The following PYROXD1 variants were observed in gnomAD, a reference collection of about 807,000 sequenced individuals.
PYROXD1 encodes tRNA ligase complex-associated NAD(P)H dehydrogenase PYROXD1.
In PYROXD1, 42 loss-of-function variants were observed where a neutral mutation model predicts 62.0. That is an observed-to-expected ratio of 0.68 (90% CI 0.53 to 0.88). The LOEUF (loss-of-function observed/expected upper bound fraction) is 0.88, where lower values mean the gene tolerates loss of function less well. Among genes scored for constraint, PYROXD1 ranks in the 40% least tolerant of loss-of-function variants. The pLI, the probability that PYROXD1 is intolerant of heterozygous loss-of-function variation, is 0.00. For missense variants in PYROXD1, 493 were observed against 604.8 expected, an observed-to-expected ratio of 0.82 and a Z score of 1.94; for synonymous variants, 170 against 206.4, an observed-to-expected ratio of 0.82 and a Z score of 1.51.
chr12:21,464,107 A>G (rs1047099946), intron 10 of PYROXD1, among the ~76,000 whole-genome samples: 4 of 150,822 alleles, frequency 2.7e-5, no homozygotes, highest in Non-Finnish European at 4.4e-5. Flanking sequence ...TGGCAAGACT[A>G]TCACAAATTC....
chr12:21,463,357 A>G (rs960982927), intron 10 of PYROXD1, among the ~76,000 whole-genome samples: 1 of 152,288 alleles, frequency 6.6e-6, no homozygotes, highest in East Asian at 1.9e-4. Flanking sequence ...AAAGCATTCT[A>G]TTCCTTTATG....
chr12:21,468,017 G>T (rs1214463519), intron 11 of PYROXD1, among the ~76,000 whole-genome samples: 8 of 145,146 alleles, frequency 5.5e-5, no homozygotes, highest in Non-Finnish European at 7.5e-5. Flanking sequence ...GTTGTTTTGG[G>T]TTTTTTTTTT....
chr12:21,459,628 A>G (rs1372842206), intron 7 of PYROXD1, among the ~76,000 whole-genome samples: 2 of 152,182 alleles, frequency 1.3e-5, no homozygotes, highest in African/African-American at 4.8e-5. Context: ...TGTGAGATTG[A>G]TCCCTCAACA....
At chr12:21,457,117 A>T (rs569804111) in intron 7 of PYROXD1, 33 of 280,028 alleles carry the variant, frequency 1.2e-4, no homozygotes, top group African/African-American at 7.3e-4. Flanking sequence ...AGCTTTTGTT[A>T]ATGTTGATAT....
At chr12:21,438,096 A>G in intron 1 of PYROXD1, 1 of 418,794 alleles carries the variant, frequency 2.4e-6, no homozygotes, top group South Asian at 5.1e-5. Flanking sequence ...AGCAGACATG[A>G]GGACTTTGTA....
chr12:21,451,941 C>G, intron 4 of PYROXD1, 140 bp from the exon 5 acceptor site: 2 of 604,702 alleles, frequency 3.3e-6, no homozygotes, highest in Non-Finnish European at 5.7e-6. Flanking sequence ...TACCCTGATA[C>G]AGTGGGAAAG....
chr12:21,444,362 A>G (rs1942348296), intron 2 of PYROXD1, among the ~76,000 whole-genome samples: 1 of 152,234 alleles, frequency 6.6e-6, no homozygotes. Context: ...TAAGGAGATT[A>G]AAAGTATAGA....
chr12:21,445,332 C>T lies in PYROXD1; in HGVS notation c.166-15C>T. 1 of 1,551,948 alleles carries T rather than the reference C, an allele frequency of 6.4e-7. No individual in the cohort carries two copies. The highest frequency in any genetic ancestry group is 1.2e-5 in the South Asian group (1 of 80,214). ...CTTTAAAAATATACATTTTTAATCT[C>T]TTGGATCTATACAGATTTCTAAAAT... On this transcript the variant is annotated splice_polypyrimidine_tract_variant and intron_variant, in intron 2 of 11. Coordinates refer to ENST00000240651, the MANE Select transcript of PYROXD1 (RefSeq NM_024854.5).
intron 3 of PYROXD1, among the ~76,000 whole-genome samples, chr12:21,446,094 G>C (rs1330509897): frequency 1.3e-5 from 2 of 152,214 alleles, no homozygotes; most frequent in Admixed American, 1.3e-4. Flanking sequence ...AGATAAGTAA[G>C]TGAGAACCTG....
chr12:21,456,321 G>A (rs1293091254), intron 7 of PYROXD1, among the ~76,000 whole-genome samples: 1 of 152,078 alleles, frequency 6.6e-6, no homozygotes, highest in Admixed American at 6.6e-5. Flanking sequence ...TTTAACTCTT[G>A]AGGTGTGATA....
chr12:21,454,979 G>C, intron 5 of PYROXD1, 153 bp from the exon 6 acceptor site: 1 of 415,372 alleles, frequency 2.4e-6, no homozygotes, highest in Non-Finnish European at 4.3e-6. Flanking sequence ...CATCTGTAAA[G>C]AACGTTAATA....
chr12:21,443,348 A>AG (rs930078855), intron 2 of PYROXD1, among the ~76,000 whole-genome samples: 17 of 152,128 alleles, frequency 1.1e-4, no homozygotes, highest in African/African-American at 4.1e-4. Context: ...CAATATGGGT[A>AG]GGGGTGTGTG....
intron 7 of PYROXD1, among the ~76,000 whole-genome samples, chr12:21,460,274 A>G (rs951144942): frequency 1.3e-5 from 2 of 152,246 alleles, no homozygotes; most frequent in African/African-American, 2.4e-5. Context: ...GTTTAATTCA[A>G]TAAGCATTTA....
At chr12:21,454,284 T>A (rs1942555522) in intron 5 of PYROXD1, among the ~76,000 whole-genome samples, 1 of 152,014 alleles carries the variant, frequency 6.6e-6, no homozygotes, top group Admixed American at 6.6e-5. Context: ...ATTTTATTAG[T>A]ATCGCAAGTT....
chr12:21,461,197 A>G (rs1942692643), intron 8 of PYROXD1, 43 bp downstream of exon 8: 2 of 1,206,228 alleles, frequency 1.7e-6, no homozygotes, highest in Non-Finnish European at 1.1e-6. Context: ...CCACTTAATT[A>G]AAAGGAAAAC....
At chr12:21,466,687 T>G (rs1310893221) in intron 10 of PYROXD1, among the ~76,000 whole-genome samples, 1 of 152,178 alleles carries the variant, frequency 6.6e-6, no homozygotes. Flanking sequence ...TGGCCAGAAC[T>G]TCCAACACTA....
chr12:21,443,766 T>A (rs1447523099), intron 2 of PYROXD1, among the ~76,000 whole-genome samples: 2 of 152,196 alleles, frequency 1.3e-5, no homozygotes, highest in Non-Finnish European at 2.9e-5. Context: ...GGAATATAAT[T>A]TTCTCATGTT....
intron 7 of PYROXD1, 85 bp from the exon 8 acceptor site, chr12:21,460,940 C>T: frequency 1.2e-6 from 1 of 830,250 alleles, no homozygotes; most frequent in Admixed American, 3.0e-5. Context: ...TACATTTCTA[C>T]AAGTATACGT....
At chr12:21,449,540 T>A in intron 3 of PYROXD1, 23 bp from the exon 4 acceptor site, 1 of 1,593,300 alleles carries the variant, frequency 6.3e-7, no homozygotes. Context: ...TCCCTTTTCT[T>A]TCATTGTTTG....
Sources: allele counts gnomAD v4.1 joint callset (sites outside exome capture counted in the v4.1 genomes callset), GRCh38; gene constraint gnomAD v4.1.1; transcripts MANE v1.5; gene names NCBI Gene and HGNC (gene_info 2026-07-23, HGNC 2026-07-21).